The following GRIA1 variants were observed in gnomAD, a reference collection of about 807,000 sequenced individuals.
GRIA1 encodes the protein glutamate receptor 1.
GRIA1 carries 31 observed loss-of-function variants against 99.2 expected under a neutral mutation model. The ratio of observed to expected loss-of-function variants is 0.31; its 90% CI spans 0.23 to 0.42. GRIA1 has a LOEUF of 0.42. Ranked by LOEUF, GRIA1 falls within the 10% of genes least tolerant of loss-of-function variation. GRIA1 has a pLI of 1.00. For missense variants in GRIA1, 782 were observed against 1,157.5 expected, an observed-to-expected ratio of 0.68 and a Z score of 4.71; for synonymous variants, 438 against 432.4, an observed-to-expected ratio of 1.01 and a Z score of -0.16.
intron 8 of GRIA1, among the ~76,000 whole-genome samples, chr5:153,695,877 G>A (rs1458424735): frequency 6.6e-6 from 1 of 152,186 alleles, no homozygotes; most frequent in Non-Finnish European, 1.5e-5. Context: ...ACTGCTGCCT[G>A]GATGCATTCA....
At chr5:153,712,387 T>C (rs1759375094) in intron 11 of GRIA1, among the ~76,000 whole-genome samples, 1 of 152,192 alleles carries the variant, frequency 6.6e-6, no homozygotes, top group African/African-American at 2.4e-5. Flanking sequence ...GGTAGGAAGA[T>C]GGTGGCCAAT....
rs1161670457 is a variant in GRIA1 at position 153,647,048 on chromosome 5, C to T, written c.341C>T (p.Pro114Leu). 14 of 1,613,866 alleles carry T rather than the reference C, an allele frequency of 8.7e-6. No individual in the cohort carries two copies. The highest frequency in any genetic ancestry group is 1.3e-5 in the African/African-American group (1 of 74,904). ...LHVCFITPSF[P>L]VDTSNQFVLQ... The stretch of plus-strand genomic sequence containing the variant: ...GTCTGCTTCATTACGCCGAGCTTTC[C>T]CGTTGATACATCCAATCAGTTTGTC... Residue 114 changes from proline to leucine, a missense_variant, in exon 3 of 16, where the codon CCC (proline) becomes CTC (leucine). This residue lies in a region of GRIA1 where 461 missense variants were observed against 521.7 expected (regional missense o/e 0.88). Coordinates refer to ENST00000285900, the MANE Select transcript of GRIA1 (RefSeq NM_000827.4).
chr5:153,693,823 G>A (rs1339301487), intron 8 of GRIA1, among the ~76,000 whole-genome samples: 1 of 152,182 alleles, frequency 6.6e-6, no homozygotes, highest in Non-Finnish European at 1.5e-5. Context: ...GAGAATCAAA[G>A]TGCTGTATTA....
intron 2 of GRIA1, among the ~76,000 whole-genome samples, chr5:153,520,809 A>G (rs1472424505): frequency 6.6e-6 from 1 of 152,220 alleles, no homozygotes; most frequent in African/African-American, 2.4e-5. Flanking sequence ...AATAGTAATA[A>G]TAACAATATA....
At chr5:153,779,017 CTA>C (rs1161664195) in intron 13 of GRIA1, among the ~76,000 whole-genome samples, 1 of 152,050 alleles carries the variant, frequency 6.6e-6, no homozygotes, top group Admixed American at 6.6e-5. Context: ...CCTGAAAATT[CTA>C]TATGTTTTTT....
chr5:153,595,747 AAT>A (rs915266378), intron 2 of GRIA1, among the ~76,000 whole-genome samples: 1 of 148,084 alleles, frequency 6.8e-6, no homozygotes. Flanking sequence ...AATATAATAT[AAT>A]ATATATATAA....
At chr5:153,781,301 A>G (rs1581646964) in intron 13 of GRIA1, among the ~76,000 whole-genome samples, 1 of 152,212 alleles carries the variant, frequency 6.6e-6, no homozygotes, top group East Asian at 1.9e-4. Context: ...GAGCACAATG[A>G]ACTCTTAATC....
intron 7 of GRIA1, among the ~76,000 whole-genome samples, chr5:153,679,273 CAAATAAAT>C (rs947795429): frequency 1.3e-5 from 2 of 148,336 alleles, no homozygotes; most frequent in Non-Finnish European, 3.0e-5. Context: ...ACAACTATCC[CAAATAAAT>C]AAATAAATAA....
At chr5:153,706,265 T>G in intron 11 of GRIA1, 198 bp downstream of exon 11, 2 of 602,908 alleles carry the variant, frequency 3.3e-6, no homozygotes. Flanking sequence ...GGGCCATCTC[T>G]GTCTGCTCTC....
intron 8 of GRIA1, among the ~76,000 whole-genome samples, chr5:153,693,582 T>A (rs952050125): frequency 2.6e-5 from 4 of 152,196 alleles, no homozygotes; most frequent in African/African-American, 9.7e-5. Context: ...CTTTTAAGAC[T>A]TTCTCCACTT....
At chr5:153,670,711 A>G (rs900935140) in intron 5 of GRIA1, among the ~76,000 whole-genome samples, 5 of 152,194 alleles carry the variant, frequency 3.3e-5, no homozygotes, top group Admixed American at 1.3e-4. Flanking sequence ...TTAGAAAATT[A>G]TTTAATTAAA....
At chr5:153,712,946 C>T (rs569260840) in intron 11 of GRIA1, among the ~76,000 whole-genome samples, 1 of 152,190 alleles carries the variant, frequency 6.6e-6, no homozygotes, top group African/African-American at 2.4e-5. Context: ...ACAAGCCTCC[C>T]CACCCACTTC....
At chr5:153,765,171 A>G (rs1479765399) in intron 12 of GRIA1, among the ~76,000 whole-genome samples, 1 of 152,168 alleles carries the variant, frequency 6.6e-6, no homozygotes, top group Non-Finnish European at 1.5e-5. Context: ...GTGTTTTGGC[A>G]GAAGACAGTG....
chr5:153,711,419 T>C (rs1759309643), intron 11 of GRIA1, among the ~76,000 whole-genome samples: 1 of 152,152 alleles, frequency 6.6e-6, no homozygotes. Flanking sequence ...GACTTGCTGA[T>C]GGATTGGATC....
chr5:153,666,479 GT>G (rs1462108462), intron 5 of GRIA1, among the ~76,000 whole-genome samples: 1 of 152,168 alleles, frequency 6.6e-6, no homozygotes, highest in Non-Finnish European at 1.5e-5. Context: ...ATAAAAATGT[GT>G]GCTGCTCTGA....
intron 1 of GRIA1, chr5:153,492,362 G>C: frequency 6.9e-7 from 1 of 1,453,646 alleles, no homozygotes; most frequent in Non-Finnish European, 9.1e-7. Flanking sequence ...GCCTTCAGGG[G>C]AGACACTTCC....
chr5:153,802,968 G>T (rs138780532), intron 15 of GRIA1, among the ~76,000 whole-genome samples: 2 of 152,294 alleles, frequency 1.3e-5, no homozygotes, highest in East Asian at 3.9e-4. Context: ...TGCAGAGAAA[G>T]GTAAGCAGAT....
Position 153,770,758 on chromosome 5 carries a change from C to T in GRIA1, c.2270+343C>T, listed in dbSNP as rs375449693. Among the ~76,000 whole-genome samples the T allele has an allele frequency of 5.3e-5, 8 of 152,312 alleles. No individual in the cohort carries two copies. In the East Asian group the frequency reaches 5.8e-4, roughly 11 times the overall value. ...TACCAGACACCCCTGCATCCAACAA[C>T]GCTATGAACAGAGTTCTCCAGCAAC... On this transcript the variant is annotated intron_variant, in intron 13 of 15. Transcript: ENST00000285900.
At chr5:153,508,140 C>T (rs1755717931) in intron 2 of GRIA1, among the ~76,000 whole-genome samples, 1 of 152,168 alleles carries the variant, frequency 6.6e-6, no homozygotes, top group African/African-American at 2.4e-5. Flanking sequence ...AGAGAGTGAG[C>T]TGTAGTGCTA....
Sources: gnomAD v4.1 joint callset for allele counts (sites outside exome capture counted in the v4.1 genomes callset) on GRCh38, gnomAD v4.1.1 for gene constraint, gnomAD v4.1.1 regional missense constraint, MANE v1.5 for transcripts, NCBI Gene and HGNC (gene_info 2026-07-23, HGNC 2026-07-21) for gene names.